GMDS: variants seen among roughly 807,000 people sequenced by gnomAD.
The protein encoded by GMDS is GDP-mannose 4,6-dehydratase.
A neutral mutation model predicts 49.9 loss-of-function variants in GMDS; 20 were observed. That is an observed-to-expected ratio of 0.40 (90% CI 0.28 to 0.58). GMDS has a LOEUF of 0.58. Among genes scored for constraint, GMDS ranks in the 20% least tolerant of loss-of-function variants. The pLI is 0.42. For missense variants in GMDS, 362 were observed against 481.4 expected, an observed-to-expected ratio of 0.75 and a Z score of 2.32; for synonymous variants, 177 against 178.6, an observed-to-expected ratio of 0.99 and a Z score of 0.07.
At chr6:1,662,277 C>T (rs920309356) in intron 9 of GMDS, among the ~76,000 whole-genome samples, 9 of 152,234 alleles carry the variant, frequency 5.9e-5, no homozygotes, top group African/African-American at 2.2e-4. Context: ...GGATCAGAAT[C>T]GAGTCCATGT....
chr6:2,103,355 A>G lies in GMDS; in HGVS notation c.345+12416T>C, dbSNP rs530679221. ...TTACTAAGAAAATAATTATGTCAGA[A>G]ATAACGTTGCTGTCACAAGAGAGAC... On this transcript the variant is annotated intron_variant, in intron 4 of 10. Transcript: ENST00000380815. 5.3e-5 allele frequency among the ~76,000 whole-genome samples: 8 copies of G among 152,316 alleles called. No homozygotes were observed. The South Asian group carries it at 1.4e-3, about 28-fold the overall frequency.
chr6:2,166,007 A>G (rs1777652872), intron 1 of GMDS, among the ~76,000 whole-genome samples: 1 of 152,248 alleles, frequency 6.6e-6, no homozygotes, highest in Non-Finnish European at 1.5e-5. Context: ...AGAGATAAAA[A>G]GCCAGTAAAT....
intron 4 of GMDS, among the ~76,000 whole-genome samples, chr6:2,059,707 C>CAAAAAAAAAAAAAAAAA (rs35230658): frequency 9.0e-4 from 16 of 17,766 alleles, no homozygotes; most frequent in South Asian, 6.8e-3. Context: ...GACTCCGTCT[C>CAAAAAAAAAAAAAAAAA]AAAAAAAAAA....
intron 7 of GMDS, among the ~76,000 whole-genome samples, chr6:1,874,676 TGTATATATAAAATAC>T (rs1251634794): frequency 6.6e-6 from 1 of 152,186 alleles, no homozygotes; most frequent in Non-Finnish European, 1.5e-5. Flanking sequence ...AATATACATG[TGTATATATAAAATAC>T]GTATATATAA....
chr6:1,839,763 T>A (rs190683713), intron 7 of GMDS, among the ~76,000 whole-genome samples: 2 of 152,110 alleles, frequency 1.3e-5, no homozygotes, highest in East Asian at 3.9e-4. Context: ...ATGCTACCCA[T>A]GGAAGGGGCA....
intron 4 of GMDS, among the ~76,000 whole-genome samples, chr6:2,013,228 G>A (rs1767669395): frequency 1.3e-5 from 2 of 152,182 alleles, no homozygotes; most frequent in Admixed American, 6.5e-5. Flanking sequence ...ACAAGAGAGT[G>A]AAGAAACAAC....
intron 9 of GMDS, among the ~76,000 whole-genome samples, chr6:1,656,874 A>T (rs1763899682): frequency 6.6e-6 from 1 of 152,008 alleles, no homozygotes; most frequent in South Asian, 2.1e-4. Context: ...TTTGTTGGAG[A>T]AGTGCTGAGT....
chr6:1,713,822 T>C (rs547771670), intron 9 of GMDS, among the ~76,000 whole-genome samples: 1 of 152,200 alleles, frequency 6.6e-6, no homozygotes, highest in Non-Finnish European at 1.5e-5. Context: ...TTTCACATCC[T>C]CACTGTAAGT....
intron 1 of GMDS, among the ~76,000 whole-genome samples, chr6:2,169,469 G>A (rs899429368): frequency 6.6e-6 from 1 of 151,898 alleles, no homozygotes; most frequent in African/African-American, 2.4e-5. Context: ...TTAGCTGGGT[G>A]TGGTGGCAAG....
chr6:2,069,484 T>C (rs1771842175), intron 4 of GMDS, among the ~76,000 whole-genome samples: 1 of 151,806 alleles, frequency 6.6e-6, no homozygotes, highest in Non-Finnish European at 1.5e-5. Context: ...ACAGGCAACC[T>C]ACAGAATGGG....
At chr6:1,743,764 T>G (rs1321478736) in intron 7 of GMDS, among the ~76,000 whole-genome samples, 1 of 119,572 alleles carries the variant, frequency 8.4e-6, no homozygotes, top group African/African-American at 2.9e-5. Context: ...AGATAGGAGA[T>G]GAAGATTTAA....
chr6:2,077,554 C>A (rs1403232391), intron 4 of GMDS, among the ~76,000 whole-genome samples: 22 of 151,948 alleles, frequency 1.4e-4, no homozygotes, highest in Admixed American at 1.4e-3. Flanking sequence ...TGTTTTTTAT[C>A]ATTCATTCTG....
At chr6:1,964,981 T>A (rs1279955808) in intron 4 of GMDS, among the ~76,000 whole-genome samples, 1 of 151,940 alleles carries the variant, frequency 6.6e-6, no homozygotes, top group Non-Finnish European at 1.5e-5. Context: ...TTCATCCATG[T>A]CCCTACAAAG....
chr6:1,792,630 T>C (rs1296807118), intron 7 of GMDS, among the ~76,000 whole-genome samples: 2 of 152,192 alleles, frequency 1.3e-5, no homozygotes, highest in Non-Finnish European at 2.9e-5. Context: ...GAAAAGTACA[T>C]GGAGGATAAT....
chr6:1,733,161 C>T (rs1165723832), intron 8 of GMDS, among the ~76,000 whole-genome samples: 2 of 152,364 alleles, frequency 1.3e-5, no homozygotes, highest in African/African-American at 2.4e-5. Flanking sequence ...TGCACCACCA[C>T]AGAAGCCACT....
chr6:1,657,870 G>GAA (rs61325036), intron 9 of GMDS, among the ~76,000 whole-genome samples: 1 of 94,042 alleles, frequency 1.1e-5, no homozygotes, highest in East Asian at 2.8e-4. Context: ...AAAAAAAAAA[G>GAA]AAAAAGAAAA....
intron 7 of GMDS, among the ~76,000 whole-genome samples, chr6:1,754,713 G>C (rs1767874179): frequency 6.6e-6 from 1 of 152,140 alleles, no homozygotes. Flanking sequence ...GGGATGCAAG[G>C]CTGGTTCAAC....
At chr6:1,879,498 C>T (rs576706028) in intron 7 of GMDS, among the ~76,000 whole-genome samples, 90 of 152,052 alleles carry the variant, frequency 5.9e-4, no homozygotes, top group African/African-American at 2.1e-3. Context: ...AATTATAAGC[C>T]AATATAGGCA....
chr6:2,005,156 G>C (rs1279321015), intron 4 of GMDS, among the ~76,000 whole-genome samples: 1 of 152,122 alleles, frequency 6.6e-6, no homozygotes, highest in Non-Finnish European at 1.5e-5. Context: ...TTCAGAGACT[G>C]TTACTGTGAG....
Sources: allele counts gnomAD v4.1 joint callset (sites outside exome capture counted in the v4.1 genomes callset), GRCh38; gene constraint gnomAD v4.1.1; transcripts MANE v1.5; gene names NCBI Gene and HGNC (gene_info 2026-07-23, HGNC 2026-07-21).